Variants in DIP2C observed in about 807,000 individuals in gnomAD.
DIP2C encodes the protein DIP2 acetate--CoA ligase C (putative).
DIP2C carries 33 observed loss-of-function variants against 192.4 expected under a neutral mutation model. That is an observed-to-expected ratio of 0.17 (90% CI 0.13 to 0.23). The LOEUF (loss-of-function observed/expected upper bound fraction) is 0.23. DIP2C is among the 10% of genes least tolerant of loss of function. DIP2C has a pLI of 1.00. For missense variants in DIP2C, 1,537 were observed against 2,110.1 expected (o/e 0.73, Z 5.32); for synonymous variants, 979 against 864.1 (o/e 1.13, Z -2.33).
intron 1 of DIP2C, among the ~76,000 whole-genome samples, chr10:571,269 G>A (rs1016058227): frequency 5.3e-5 from 8 of 152,306 alleles, no homozygotes; most frequent in Middle Eastern, 3.4e-3. Context: ...GGATAACGTC[G>A]ACCACATCTC....
At chr10:468,436 G>A (rs1009887438) in intron 3 of DIP2C, among the ~76,000 whole-genome samples, 5 of 152,030 alleles carry the variant, frequency 3.3e-5, no homozygotes, top group Admixed American at 6.6e-5. Flanking sequence ...CATGGGGTGC[G>A]CTCCATATGC....
chr10:292,446 C>T lies in DIP2C; in HGVS notation c.3987-4025G>A, dbSNP rs182220371. On this transcript the variant is annotated intron_variant, in intron 32 of 36. Coordinates refer to ENST00000280886, the MANE Select transcript of DIP2C (RefSeq NM_014974.3). ...TACGCTGTCAAGTGGACTTGAAGTT[C>T]GGACTTTTGCTAGAAAAGCAGAGAT... is the stretch of plus-strand genomic sequence containing the variant. 2.4e-4 allele frequency among the ~76,000 whole-genome samples: 37 copies of T among 152,310 alleles called. 1 individual carries two copies. Among genetic ancestry groups the T allele is most frequent in the East Asian group, 7.7e-4 (4 of 5,190 alleles).
intron 29 of DIP2C, among the ~76,000 whole-genome samples, chr10:334,780 T>C (rs1032003925): frequency 6.6e-6 from 1 of 152,230 alleles, no homozygotes; most frequent in African/African-American, 2.4e-5. Flanking sequence ...CTGTTTCTCA[T>C]ATATATAATC....
chr10:377,808 T>C (rs1961809429), intron 17 of DIP2C, among the ~76,000 whole-genome samples: 1 of 152,230 alleles, frequency 6.6e-6, no homozygotes, highest in South Asian at 2.1e-4. Context: ...TAGAAGATGG[T>C]TGTGGTGACA....
intron 1 of DIP2C, among the ~76,000 whole-genome samples, chr10:597,393 T>C (rs1851773255): frequency 1.3e-5 from 2 of 152,178 alleles, no homozygotes; most frequent in South Asian, 2.1e-4. Flanking sequence ...GAGCCCTGAC[T>C]AAGCTGCCCC....
chr10:668,588 ACT>A (rs1857257456), intron 1 of DIP2C: 2 of 152,338 alleles, frequency 1.3e-5, no homozygotes, highest in South Asian at 4.1e-4. Flanking sequence ...AATGAATGCA[ACT>A]CAACACAACA....
intron 1 of DIP2C, among the ~76,000 whole-genome samples, chr10:622,253 T>C (rs1379424093): frequency 9.3e-6 from 1 of 107,352 alleles, no homozygotes; most frequent in Non-Finnish European, 2.0e-5. Flanking sequence ...CCAGGAGAGA[T>C]GGTAGGGGGA....
rs566292993 is a variant in DIP2C at position 601,352 on chromosome 10, A to G, written c.85+88142T>C. On this transcript the variant is annotated intron_variant, in intron 1 of 36. Coordinates refer to ENST00000280886, the MANE Select transcript of DIP2C (RefSeq NM_014974.3). ...CCATGCTTCAAAAACCACCATTCCC[A>G]TTTTAGATGTCCAAATGCATATGTC... Among the ~76,000 whole-genome samples the G allele has an allele frequency of 1.9e-4, 10 of 52,538 alleles. No individual in the cohort carries two copies. In the South Asian group the frequency reaches 0.012, roughly 63 times the overall value. 34.5% of individuals were successfully genotyped at this position (52,538 alleles called of 152,430 possible). A position where few individuals can be genotyped will look rare whatever the true frequency, so the allele number is the denominator to read the frequency against.
At chr10:601,800 C>G (rs1852092164) in intron 1 of DIP2C, among the ~76,000 whole-genome samples, 3 of 152,186 alleles carry the variant, frequency 2.0e-5, no homozygotes, top group South Asian at 2.1e-4. Context: ...GCTGGGGACG[C>G]AGGCGATGGG....
chr10:443,421 C>T (rs1372334707), intron 3 of DIP2C, among the ~76,000 whole-genome samples: 1 of 152,130 alleles, frequency 6.6e-6, no homozygotes, highest in Non-Finnish European at 1.5e-5. Flanking sequence ...AGATTTGACA[C>T]CGGATTCCCC....
chr10:670,352 A>T (rs988814340), intron 1 of DIP2C, among the ~76,000 whole-genome samples: 5 of 150,272 alleles, frequency 3.3e-5, no homozygotes, highest in African/African-American at 1.0e-4. Flanking sequence ...ACATGCACAT[A>T]CATACACATA....
intron 3 of DIP2C, among the ~76,000 whole-genome samples, chr10:463,961 G>C (rs1969999523): frequency 2.0e-5 from 3 of 152,034 alleles, no homozygotes; most frequent in Admixed American, 1.3e-4. Flanking sequence ...ACTGAAACTG[G>C]ACCCCTTCTG....
intron 1 of DIP2C, among the ~76,000 whole-genome samples, chr10:583,165 A>G (rs1588519279): frequency 6.6e-6 from 1 of 152,240 alleles, no homozygotes; most frequent in African/African-American, 2.4e-5. Flanking sequence ...TTCACCATAA[A>G]TACACTCATA....
intron 24 of DIP2C, among the ~76,000 whole-genome samples, chr10:353,446 T>G (rs1958920339): frequency 6.6e-6 from 1 of 152,222 alleles, no homozygotes; most frequent in Non-Finnish European, 1.5e-5. Flanking sequence ...TGGAGTGCAG[T>G]GGCATGATCT....
At position 424,355 on chromosome 10, in the gene DIP2C, G is replaced by GTTTTTTTTTTTT. The variant is rs557255878; in HGVS notation, c.395-1334_395-1323dup. On this transcript the variant is annotated intron_variant, in intron 4 of 36. Coordinates refer to ENST00000280886, the MANE Select transcript of DIP2C (RefSeq NM_014974.3). ...GCCTGAAAATTCTCTATCACCTTGG[G>GTTTTTTTTTTTT]TTTTTTTTTTTTTTTTTTTTTTTTT... Among the ~76,000 whole-genome samples the GTTTTTTTTTTTT allele has an allele frequency of 3.6e-4, 30 of 83,108 alleles. 2 individuals carry two copies. Among genetic ancestry groups the GTTTTTTTTTTTT allele is most frequent in the African/African-American group, 1.3e-3 (29 of 22,116 alleles). The allele number at this position is 83,108 out of a possible 152,430, so 54.5% of individuals were successfully genotyped here. A position where few individuals can be genotyped will look rare whatever the true frequency, so the allele number is the denominator to read the frequency against.
chr10:288,251 A>C, intron 33 of DIP2C, 113 bp downstream of exon 33: 1 of 1,070,586 alleles, frequency 9.3e-7, no homozygotes. Flanking sequence ...TGTTACTTTC[A>C]AGAAATTGTT....
chr10:352,242 G>T (rs1374356150), intron 24 of DIP2C, among the ~76,000 whole-genome samples: 2 of 152,248 alleles, frequency 1.3e-5, no homozygotes, highest in East Asian at 3.8e-4. Flanking sequence ...GCTCAGATGA[G>T]ACACAGCCAG....
intron 2 of DIP2C, among the ~76,000 whole-genome samples, chr10:479,958 C>G (rs944402340): frequency 7.0e-6 from 1 of 142,426 alleles, no homozygotes; most frequent in Admixed American, 7.1e-5. Context: ...GCCTGAGCCC[C>G]GGTCCATGCT....
At chr10:514,797 G>C (rs544824149) in intron 1 of DIP2C, among the ~76,000 whole-genome samples, 1 of 152,172 alleles carries the variant, frequency 6.6e-6, no homozygotes, top group African/African-American at 2.4e-5. Flanking sequence ...TCCATGGGGG[G>C]CTTTATGCCT....
Sources: allele counts gnomAD v4.1 joint callset (sites outside exome capture counted in the v4.1 genomes callset), GRCh38; gene constraint gnomAD v4.1.1; transcripts MANE v1.5; gene names NCBI Gene and HGNC (gene_info 2026-07-23, HGNC 2026-07-21).